Variants in DGKB observed in about 807,000 individuals in gnomAD.
DGKB encodes 90 kDa diacylglycerol kinase.
Under a neutral mutation model 114.3 loss-of-function variants are expected in DGKB, and 67 were observed. The observed-to-expected ratio is 0.59, with a 90% CI of 0.48 to 0.72. The LOEUF (loss-of-function observed/expected upper bound fraction) is 0.72, where lower values mean the gene tolerates loss of function less well. Ranked by LOEUF, DGKB falls within the 30% of genes least tolerant of loss-of-function variation. DGKB has a pLI of 0.00. For missense variants in DGKB, 907 were observed against 975.2 expected (o/e 0.93, Z 0.93); for synonymous variants, 398 against 323.1 (o/e 1.23, Z -2.49).
chr7:14,796,072 C>A (rs964179391), intron 2 of DGKB, among the ~76,000 whole-genome samples: 5 of 152,044 alleles, frequency 3.3e-5, no homozygotes, highest in African/African-American at 1.2e-4. Flanking sequence ...GAACAAACTC[C>A]AAATTTATGG....
intron 20 of DGKB, among the ~76,000 whole-genome samples, chr7:14,501,738 A>G (rs1431531): frequency 0.54 from 82,373 of 151,698 alleles, 22,962 homozygotes; most frequent in East Asian, 0.84. Context: ...GTCTATTGCC[A>G]TTATCCTATG....
chr7:14,966,144 C>A (rs1009868817), intron 1 of DGKB, among the ~76,000 whole-genome samples: 1 of 151,930 alleles, frequency 6.6e-6, no homozygotes, highest in Admixed American at 6.6e-5. Context: ...AATTTTATTA[C>A]AACAGTCCAT....
chr7:14,955,737 A>T (rs1479240510), intron 1 of DGKB, among the ~76,000 whole-genome samples: 1 of 152,100 alleles, frequency 6.6e-6, no homozygotes, highest in Non-Finnish European at 1.5e-5. Context: ...TGGCTGAAAC[A>T]ATGGTGCTGC....
At chr7:14,557,834 T>A (rs1796089870) in intron 20 of DGKB, among the ~76,000 whole-genome samples, 1 of 151,832 alleles carries the variant, frequency 6.6e-6, no homozygotes, top group Non-Finnish European at 1.5e-5. Flanking sequence ...AAGGAAATTA[T>A]CATTTAGACT....
chr7:14,320,081 A>G (rs1360909493), intron 23 of DGKB, among the ~76,000 whole-genome samples: 1 of 152,188 alleles, frequency 6.6e-6, no homozygotes, highest in East Asian at 1.9e-4. Flanking sequence ...AAGCAAGATA[A>G]ACTATTCAAG....
intron 17 of DGKB, among the ~76,000 whole-genome samples, chr7:14,605,270 G>A (rs1043308376): frequency 1.3e-5 from 2 of 151,498 alleles, no homozygotes; most frequent in African/African-American, 4.8e-5. Context: ...CTGCTTTAGA[G>A]TGCAGAAAGC....
intron 23 of DGKB, among the ~76,000 whole-genome samples, chr7:14,180,895 T>C (rs1782541674): frequency 6.6e-6 from 1 of 152,198 alleles, no homozygotes; most frequent in South Asian, 2.1e-4. Context: ...CTCCTTGGGA[T>C]GGCCTAACCA....
At chr7:14,816,700 A>C (rs1844205035) in intron 2 of DGKB, 1 of 152,198 alleles carries the variant, frequency 6.6e-6, no homozygotes, top group Non-Finnish European at 1.5e-5. Flanking sequence ...GACGAGAGCA[A>C]AGGATTTAAC....
chr7:14,583,008 C>T, intron 18 of DGKB, 44 bp downstream of exon 18: 1 of 1,213,772 alleles, frequency 8.2e-7, no homozygotes, highest in Non-Finnish European at 1.2e-6. Context: ...GGATTTAAAG[C>T]TATTGCTCTC....
intron 21 of DGKB, among the ~76,000 whole-genome samples, chr7:14,370,204 A>C (rs765196186): frequency 5.3e-5 from 8 of 152,156 alleles, no homozygotes; most frequent in African/African-American, 9.7e-5. Context: ...TAAATAGGGA[A>C]TCCTTTCCCC....
At chr7:14,760,943 G>A (rs1362575740) in intron 2 of DGKB, among the ~76,000 whole-genome samples, 1 of 152,100 alleles carries the variant, frequency 6.6e-6, no homozygotes, top group Non-Finnish European at 1.5e-5. Flanking sequence ...TAAATTAACA[G>A]CCAAAAACCT....
chr7:14,369,761 G>A, intron 21 of DGKB, among the ~76,000 whole-genome samples: 1 of 152,162 alleles, frequency 6.6e-6, no homozygotes, highest in East Asian at 1.9e-4. Context: ...ACTTTTTGAT[G>A]TGGTTGTTTG....
In DGKB at chr7:14,418,394, C is replaced by T. The variant is rs865886950; in HGVS notation, c.1835+59767G>A. Among the ~76,000 whole-genome samples the T allele has an allele frequency of 2.9e-4, 41 of 138,992 alleles. 1 individual carries two copies. Among genetic ancestry groups the T allele is most frequent in the Admixed American group, 9.4e-4 (13 of 13,878 alleles). 91.2% of individuals were successfully genotyped at this position (138,992 alleles called of 152,430 possible). On this transcript the variant is annotated intron_variant, in intron 21 of 25. Transcript: ENST00000402815. Reference sequence around the variant, plus strand: ...GTGTATATATATATATATATATATACACACACACATATATTCATGTGAGTA... The same window carrying T: ...GTGTATATATATATATATATATATATACACACACATATATTCATGTGAGTA...
Position 14,718,767 on chromosome 7 carries a change from C to G in DGKB, c.323-82G>C, listed in dbSNP as rs1270211716. 1.8e-5 allele frequency: 18 copies of G among 1,010,384 alleles called. 1 individual carries two copies. The Admixed American group carries it at 4.7e-4, about 26-fold the overall frequency. 62.6% of individuals were successfully genotyped at this position (1,010,384 alleles called of 1,614,324 possible). A position where few individuals can be genotyped will look rare whatever the true frequency, so the allele number is the denominator to read the frequency against. On this transcript the variant is annotated intron_variant, in intron 5 of 25. Coordinates refer to ENST00000402815, the MANE Select transcript of DGKB (RefSeq NM_001350709.2). ...AAACAAATTAAGAAAATAGAGAACACACAGGCTACATAGAAATTTATATTT... is the reference window on the plus strand; with the variant it reads ...AAACAAATTAAGAAAATAGAGAACAGACAGGCTACATAGAAATTTATATTT...
chr7:14,191,086 G>C (rs1234911458), intron 23 of DGKB: 1 of 157,728 alleles, frequency 6.3e-6, no homozygotes, highest in African/African-American at 2.4e-5. Flanking sequence ...GGACACAGAT[G>C]CTTTGCGAAA....
At chr7:14,576,627 G>C (rs1235786136) in intron 19 of DGKB, among the ~76,000 whole-genome samples, 1 of 151,950 alleles carries the variant, frequency 6.6e-6, no homozygotes, top group Non-Finnish European at 1.5e-5. Flanking sequence ...CTTTCAAAAA[G>C]GTTGAATTTT....
chr7:14,660,303 G>A (rs982541728), intron 13 of DGKB, among the ~76,000 whole-genome samples: 3 of 151,676 alleles, frequency 2.0e-5, no homozygotes, highest in African/African-American at 7.3e-5. Flanking sequence ...GTTTCAGAAG[G>A]AATGGTACCA....
intron 23 of DGKB, among the ~76,000 whole-genome samples, chr7:14,328,237 C>A (rs1362393402): frequency 1.3e-5 from 2 of 151,986 alleles, no homozygotes; most frequent in African/African-American, 4.8e-5. Context: ...GTGCTAAGGG[C>A]TTTAATTATC....
intron 5 of DGKB, among the ~76,000 whole-genome samples, chr7:14,722,997 C>CTTTATTTA (rs61621101): frequency 0.044 from 6,549 of 148,000 alleles, 202 homozygotes; most frequent in African/African-American, 0.083. Context: ...CTACTCTACC[C>CTTTATTTA]TTTATTTATT....
Sources: gnomAD v4.1 joint callset for allele counts (sites outside exome capture counted in the v4.1 genomes callset) on GRCh38, gnomAD v4.1.1 for gene constraint, MANE v1.5 for transcripts, NCBI Gene and HGNC (gene_info 2026-07-23, HGNC 2026-07-21) for gene names.